The following RUNDC3B variants were observed in gnomAD, a reference collection of about 807,000 sequenced individuals.
The protein encoded by RUNDC3B is RUN domain-containing protein 3B.
In RUNDC3B, 33 loss-of-function variants were observed where a neutral mutation model predicts 58.4. That is an observed-to-expected ratio of 0.56 (90% CI 0.43 to 0.75). The LOEUF is 0.75. RUNDC3B is among the 30% of genes least tolerant of loss of function. The pLI, the probability that RUNDC3B is intolerant of heterozygous loss-of-function variation, is 0.00. For synonymous variants in RUNDC3B, 193 were observed against 195.2 expected, an observed-to-expected ratio of 0.99 and a Z score of 0.10; for missense variants, 501 against 535.7, an observed-to-expected ratio of 0.94 and a Z score of 0.64.
intron 7 of RUNDC3B, among the ~76,000 whole-genome samples, chr7:87,771,283 G>A (rs1834266084): frequency 2.6e-5 from 4 of 151,626 alleles, no homozygotes; most frequent in Admixed American, 2.6e-4. Flanking sequence ...TATAAGGAAA[G>A]CCCAATGGAA....
chr7:87,655,024 C>T (rs775277344), intron 2 of RUNDC3B, among the ~76,000 whole-genome samples: 10 of 151,778 alleles, frequency 6.6e-5, no homozygotes, highest in South Asian at 4.2e-4. Context: ...ATCAAACAGC[C>T]GAAGGATAAC....
intron 8 of RUNDC3B, among the ~76,000 whole-genome samples, chr7:87,798,922 A>C (rs1425441540): frequency 6.6e-6 from 1 of 152,206 alleles, no homozygotes; most frequent in Non-Finnish European, 1.5e-5. Context: ...AAAGGGAAAT[A>C]ATTGTAAAGT....
intron 5 of RUNDC3B, among the ~76,000 whole-genome samples, chr7:87,740,462 T>C (rs192103375): frequency 2.0e-4 from 31 of 152,302 alleles, no homozygotes; most frequent in African/African-American, 7.5e-4. Flanking sequence ...TTTTTTGCAT[T>C]TCTTTAATCG....
intron 9 of RUNDC3B, among the ~76,000 whole-genome samples, chr7:87,815,891 T>C (rs1003485888): frequency 6.6e-6 from 1 of 152,092 alleles, no homozygotes; most frequent in South Asian, 2.1e-4. Context: ...CAAAAATTGG[T>C]ATGAAGATTA....
rs1204947297 is a variant in RUNDC3B, at chr7:87,831,471, C to T, written c.*1441C>T. 6.6e-6 allele frequency: 1 copy of T among 151,860 alleles called. No individual in the cohort carries two copies. Among genetic ancestry groups the T allele is most frequent in the Non-Finnish European group, 1.5e-5 (1 of 67,840 alleles). The allele number at this position is 151,860 out of a possible 1,614,324, so 9.4% of individuals were successfully genotyped here. A position where few individuals can be genotyped will look rare whatever the true frequency, so the allele number is the denominator to read the frequency against. On this transcript the variant is annotated 3_prime_UTR_variant, in exon 11 of 11. Transcript: ENST00000394654. ...GTAAGACAGTCAAACAGTGTCACTTCAGGGACAAAGGCCTGGAAGCCCTTA... is the reference window on the plus strand; with the variant it reads ...GTAAGACAGTCAAACAGTGTCACTTTAGGGACAAAGGCCTGGAAGCCCTTA...
chr7:87,693,879 G>A (rs1563139101), intron 2 of RUNDC3B: 1 of 1,597,836 alleles, frequency 6.3e-7, no homozygotes, highest in Non-Finnish European at 8.5e-7. Context: ...AAATATCTGT[G>A]TGTTGTTGTT....
chr7:87,673,190 A>G (rs1188506087), intron 2 of RUNDC3B, among the ~76,000 whole-genome samples: 2 of 152,076 alleles, frequency 1.3e-5, no homozygotes, highest in African/African-American at 2.4e-5. Flanking sequence ...ATGACTATAT[A>G]TGTCTTAGGG....
chr7:87,709,538 C>A, intron 3 of RUNDC3B: 1 of 984,618 alleles, frequency 1.0e-6, no homozygotes, highest in Non-Finnish European at 1.2e-6. Flanking sequence ...GCTAACCATA[C>A]CCTTATCATT....
chr7:87,776,690 AAT>A (rs1263597571), intron 7 of RUNDC3B, among the ~76,000 whole-genome samples: 1 of 152,032 alleles, frequency 6.6e-6, no homozygotes, highest in Non-Finnish European at 1.5e-5. Context: ...ATATATATGA[AAT>A]ATTCATTTAT....
At chr7:87,759,236 A>G (rs117342157) in intron 6 of RUNDC3B, among the ~76,000 whole-genome samples, 4,533 of 152,276 alleles carry the variant, frequency 0.03, 63 homozygotes, top group Middle Eastern at 0.048. Context: ...GCATAGAAAG[A>G]CAAATTTCCC....
At chr7:87,632,095 T>G (rs1331328856) in intron 1 of RUNDC3B, among the ~76,000 whole-genome samples, 1 of 151,852 alleles carries the variant, frequency 6.6e-6, no homozygotes, top group African/African-American at 2.4e-5. Flanking sequence ...TGGAAAAAAT[T>G]GAACCATTTA....
intron 4 of RUNDC3B, among the ~76,000 whole-genome samples, chr7:87,714,506 G>A (rs904173168): frequency 2.6e-5 from 4 of 152,140 alleles, no homozygotes; most frequent in Non-Finnish European, 5.9e-5. Flanking sequence ...TTACAATATA[G>A]TGTGTGTGTT....
At chr7:87,695,275 A>G (rs1397738315) in intron 2 of RUNDC3B, among the ~76,000 whole-genome samples, 1 of 152,150 alleles carries the variant, frequency 6.6e-6, no homozygotes, top group Non-Finnish European at 1.5e-5. Flanking sequence ...TATAAACCTC[A>G]ACTAATAATA....
In RUNDC3B at chr7:87,825,347, C is replaced by T. The variant is rs1229919673; in HGVS notation, c.1226-4538C>T. Among the ~76,000 whole-genome samples, 3 of 152,360 alleles carry T rather than the reference C, an allele frequency of 2.0e-5. No individual in the cohort carries two copies. In the East Asian group the frequency reaches 5.8e-4, roughly 29 times the overall value. Reference sequence around the variant, plus strand: ...TGGGAGAAATGTCTAAGCCCCAAGCCTTGGCAGCTTCCACGTGGTGTTGAG... The same window carrying T: ...TGGGAGAAATGTCTAAGCCCCAAGCTTTGGCAGCTTCCACGTGGTGTTGAG... On this transcript the variant is annotated intron_variant, in intron 10 of 10. Transcript: ENST00000394654.
chr7:87,743,212 T>C (rs1832444644), intron 6 of RUNDC3B, among the ~76,000 whole-genome samples: 2 of 152,198 alleles, frequency 1.3e-5, no homozygotes. Context: ...CTTTATCCAC[T>C]TGATTGATGA....
At position 87,804,216 on chromosome 7, in the gene RUNDC3B, A is replaced by G. The variant is rs988140323; in HGVS notation, c.957-3157A>G. Among the ~76,000 whole-genome samples, 6 of 152,286 alleles carry G rather than the reference A, an allele frequency of 3.9e-5. 1 individual carries two copies. The highest frequency in any genetic ancestry group is 3.3e-4 in the Admixed American group (5 of 15,300). ...ATCTTTTGAATAATAATAGGGATAT[A>G]GTTAATGCTGGGAGAGCAAACACAA... On this transcript the variant is annotated intron_variant, in intron 8 of 10. Transcript: ENST00000394654.
chr7:87,727,566 C>T (rs571470278), intron 4 of RUNDC3B, among the ~76,000 whole-genome samples: 1 of 151,128 alleles, frequency 6.6e-6, no homozygotes, highest in East Asian at 1.9e-4. Context: ...TACCTGATTG[C>T]ATGCATCTGT....
At chr7:87,763,628 A>G (rs1833816366) in intron 6 of RUNDC3B, among the ~76,000 whole-genome samples, 1 of 151,606 alleles carries the variant, frequency 6.6e-6, no homozygotes, top group Non-Finnish European at 1.5e-5. Context: ...TCTTTCTTCA[A>G]TTGTATCTGA....
At chr7:87,769,661 G>T (rs138643546) in intron 6 of RUNDC3B, among the ~76,000 whole-genome samples, 1 of 150,582 alleles carries the variant, frequency 6.6e-6, no homozygotes, top group Middle Eastern at 3.2e-3. Flanking sequence ...TATACTTTAA[G>T]TTCTGGGATA....
Sources: gnomAD v4.1 joint callset for allele counts (sites outside exome capture counted in the v4.1 genomes callset) on GRCh38, gnomAD v4.1.1 for gene constraint, MANE v1.5 for transcripts, NCBI Gene and HGNC (gene_info 2026-07-23, HGNC 2026-07-21) for gene names.